TMEM232: variants seen among roughly 807,000 people sequenced by gnomAD.
TMEM232 encodes the protein transmembrane protein 232.
TMEM232 carries 80 observed loss-of-function variants against 78.8 expected under a neutral mutation model. The observed-to-expected ratio is 1.01, with a 90% CI of 0.85 to 1.22. TMEM232 has a LOEUF of 1.22. Ranked by LOEUF, TMEM232 falls within the 50% of genes most tolerant of loss-of-function variation. TMEM232 has a pLI of 0.00. For missense variants in TMEM232, 881 were observed against 742.2 expected (o/e 1.19, Z -2.17); for synonymous variants, 297 against 254.3 (o/e 1.17, Z -1.60).
chr5:110,705,331 T>C (rs1439286335), intron 1 of TMEM232, among the ~76,000 whole-genome samples: 1 of 152,144 alleles, frequency 6.6e-6, no homozygotes, highest in Non-Finnish European at 1.5e-5. Context: ...AAGTTGGGAA[T>C]GTATTTAATA....
intron 10 of TMEM232, among the ~76,000 whole-genome samples, chr5:110,569,497 G>A (rs1337238199): frequency 1.3e-5 from 2 of 151,810 alleles, no homozygotes; most frequent in Non-Finnish European, 2.9e-5. Flanking sequence ...AGTATGTGAA[G>A]CAGATAAGAA....
At chr5:110,715,448 T>C (rs149763519) in intron 1 of TMEM232, among the ~76,000 whole-genome samples, 97 of 152,270 alleles carry the variant, frequency 6.4e-4, no homozygotes, top group Non-Finnish European at 1.2e-3. Flanking sequence ...CAAGACAGAA[T>C]TGGTCATGAA....
intron 10 of TMEM232, among the ~76,000 whole-genome samples, chr5:110,584,788 A>G (rs1209046073): frequency 6.6e-6 from 1 of 152,130 alleles, no homozygotes; most frequent in Non-Finnish European, 1.5e-5. Flanking sequence ...CTACTGTAAC[A>G]AAGAAATTTA....
rs201641394 is a variant in TMEM232, at chr5:110,693,283, C to G, written c.-12-25919G>C. ...GAAAACTAACAAACAGAAAGGACATCCACACCAAAAACCCATCTGTACGTC... is the reference window on the plus strand; with the variant it reads ...GAAAACTAACAAACAGAAAGGACATGCACACCAAAAACCCATCTGTACGTC... On this transcript the variant is annotated intron_variant, in intron 1 of 13. Transcript: ENST00000455884. 7.2e-5 allele frequency among the ~76,000 whole-genome samples: 11 copies of G among 152,204 alleles called. No individual in the cohort carries two copies. The South Asian group carries it at 2.3e-3, about 32-fold the overall frequency.
At chr5:110,737,439 C>T (rs1799297568) in intron 1 of TMEM232, among the ~76,000 whole-genome samples, 1 of 152,056 alleles carries the variant, frequency 6.6e-6, no homozygotes, top group South Asian at 2.1e-4. Flanking sequence ...GTTATTTTTA[C>T]AGTTTTTGAT....
chr5:110,509,860 G>C (rs1767512032), intron 12 of TMEM232, among the ~76,000 whole-genome samples: 1 of 152,050 alleles, frequency 6.6e-6, no homozygotes, highest in African/African-American at 2.4e-5. Context: ...ATCTGTCCTT[G>C]AAATCAACAT....
chr5:110,589,472 G>A (rs1186197424), intron 10 of TMEM232, among the ~76,000 whole-genome samples: 1 of 152,170 alleles, frequency 6.6e-6, no homozygotes, highest in African/African-American at 2.4e-5. Flanking sequence ...TCAACATGCA[G>A]ATGGACGTTT....
intron 12 of TMEM232, among the ~76,000 whole-genome samples, chr5:110,523,965 A>T (rs1395276240): frequency 9.5e-5 from 1 of 10,522 alleles, no homozygotes; most frequent in East Asian, 2.8e-3. Context: ...AAAAAAAAAA[A>T]AGGGGGGGGG....
intron 1 of TMEM232, among the ~76,000 whole-genome samples, chr5:110,710,694 TATG>T (rs1796384507): frequency 6.6e-6 from 1 of 152,252 alleles, no homozygotes; most frequent in South Asian, 2.1e-4. Flanking sequence ...AACATCCTTT[TATG>T]ATAAAATTCA....
At chr5:110,411,357 T>C (rs1295408885) in intron 2 of TMEM232, among the ~76,000 whole-genome samples, 2 of 152,214 alleles carry the variant, frequency 1.3e-5, no homozygotes, top group Non-Finnish European at 1.5e-5. Context: ...TGTACTTTCT[T>C]CATTTTTTCC....
In TMEM232 at chr5:110,531,681, G is replaced by A. The variant is rs928601883; in HGVS notation, c.1456-2846C>T. On this transcript the variant is annotated intron_variant, in intron 11 of 13. Coordinates refer to ENST00000455884, the MANE Select transcript of TMEM232 (RefSeq NM_001039763.4). The stretch of plus-strand genomic sequence containing the variant: ...CCAGCAATTTACTCTTAAAAAGGTG[G>A]CTGGAGCCAAAGGCATAGTCAAGGT... Among the ~76,000 whole-genome samples the A allele has an allele frequency of 6.6e-5, 10 of 152,004 alleles. No individual in the cohort carries two copies. In the South Asian group the frequency reaches 8.3e-4, roughly 13 times the overall value.
At chr5:110,468,405 A>G (rs1762325658) in intron 12 of TMEM232, among the ~76,000 whole-genome samples, 1 of 152,120 alleles carries the variant, frequency 6.6e-6, no homozygotes, top group Admixed American at 6.5e-5. Context: ...CTGAGAGTAT[A>G]GACATACTAC....
chr5:110,459,848 T>A (rs1274618077), intron 12 of TMEM232, among the ~76,000 whole-genome samples: 1 of 152,182 alleles, frequency 6.6e-6, no homozygotes, highest in Non-Finnish European at 1.5e-5. Context: ...GAAGGACACA[T>A]TGTTTCTGTG....
At chr5:110,434,943 AG>A (rs1298829805) in intron 12 of TMEM232, among the ~76,000 whole-genome samples, 2 of 152,018 alleles carry the variant, frequency 1.3e-5, no homozygotes, top group Non-Finnish European at 2.9e-5. Flanking sequence ...TAGGCATCAA[AG>A]GAACATCCCT....
At chr5:110,701,176 C>T (rs908742717) in intron 1 of TMEM232, among the ~76,000 whole-genome samples, 1 of 151,802 alleles carries the variant, frequency 6.6e-6, no homozygotes, top group Non-Finnish European at 1.5e-5. Context: ...AATTTTGAAT[C>T]AGATTAAAAT....
At position 110,658,715 on chromosome 5, in the gene TMEM232, T is replaced by C. The variant is rs145274000; in HGVS notation, c.125+8513A>G. The stretch of plus-strand genomic sequence containing the variant: ...AATGTCATCTCTTGTGAAATGTAAT[T>C]ATTAATCCCAAAGAGGGTTAATTGG... On this transcript the variant is annotated intron_variant, in intron 2 of 13. Transcript: ENST00000455884. Among the ~76,000 whole-genome samples the C allele has an allele frequency of 3.4e-3, 515 of 152,258 alleles. 7 individuals carry two copies. The highest frequency in any genetic ancestry group is 0.012 in the African/African-American group (481 of 41,574).
At chr5:110,604,909 T>TCACGC (rs1407222402) in intron 10 of TMEM232, among the ~76,000 whole-genome samples, 200 bp downstream of exon 10, 1 of 152,110 alleles carries the variant, frequency 6.6e-6, no homozygotes, top group East Asian at 1.9e-4. Flanking sequence ...TGAGCAGGGA[T>TCACGC]CACGCCACTG....
In TMEM232 at chr5:110,518,123, A is replaced by ACT. The variant is rs71626631; in HGVS notation, c.1703+10463_1703+10464dup. 3.0e-3 allele frequency among the ~76,000 whole-genome samples: 432 copies of ACT among 143,840 alleles called. 2 individuals are homozygous for ACT. The highest frequency in any genetic ancestry group is 6.2e-3 in the South Asian group (28 of 4,548). 94.4% of individuals were successfully genotyped at this position (143,840 alleles called of 152,430 possible). A position where few individuals can be genotyped will look rare whatever the true frequency, so the allele number is the denominator to read the frequency against. On this transcript the variant is annotated intron_variant, in intron 12 of 13. Transcript: ENST00000455884. ...TTTTTCACATATTTCCTCTATGTCT[A>ACT]CTCTCTCTCTCTCTCTCTCTCTTTC...
chr5:110,667,010 A>G, intron 2 of TMEM232: 2 of 380,880 alleles, frequency 5.3e-6, no homozygotes, highest in South Asian at 9.3e-5. Context: ...ACAAATTAAG[A>G]AAACATATGA....
Sources: allele counts gnomAD v4.1 joint callset (sites outside exome capture counted in the v4.1 genomes callset), GRCh38; gene constraint gnomAD v4.1.1; transcripts MANE v1.5; gene names NCBI Gene and HGNC (gene_info 2026-07-23, HGNC 2026-07-21).